The following PTPRD variants were observed in gnomAD, a reference collection of about 807,000 sequenced individuals.
PTPRD encodes receptor-type tyrosine-protein phosphatase delta.
PTPRD carries 34 observed loss-of-function variants against 214.5 expected under a neutral mutation model. The observed-to-expected ratio is 0.16, with a 90% CI of 0.12 to 0.21. The LOEUF is 0.21. PTPRD is among the 10% of genes least tolerant of loss of function. The pLI, the probability that PTPRD is intolerant of heterozygous loss-of-function variation, is 1.00. For missense variants in PTPRD, 2,545 were observed against 2,398.7 expected (o/e 1.06, Z -1.27); for synonymous variants, 1,128 against 845.7 (o/e 1.33, Z -5.79).
chr9:9,614,596 G>T (rs1218291995), intron 7 of PTPRD, among the ~76,000 whole-genome samples: 1 of 152,112 alleles, frequency 6.6e-6, no homozygotes, highest in Non-Finnish European at 1.5e-5. Context: ...TCAAAAACTG[G>T]AGTTTTGATT....
intron 3 of PTPRD, among the ~76,000 whole-genome samples, chr9:10,153,298 ATAAAT>A (rs958068428): frequency 5.0e-4 from 76 of 152,012 alleles, no homozygotes; most frequent in African/African-American, 1.7e-3. Context: ...GTCATTAAAA[ATAAAT>A]TAAATATTTT....
At chr9:8,988,939 G>T (rs563276454) in intron 11 of PTPRD, among the ~76,000 whole-genome samples, 229 of 152,142 alleles carry the variant, frequency 1.5e-3, no homozygotes, top group African/African-American at 5.4e-3. Flanking sequence ...ATTCAGAATT[G>T]GGAAAGCTAG....
At chr9:10,489,229 C>T (rs181672917) in intron 2 of PTPRD, among the ~76,000 whole-genome samples, 53 of 152,206 alleles carry the variant, frequency 3.5e-4, no homozygotes, top group African/African-American at 1.2e-3. Context: ...TCCTTCTGCC[C>T]CTGGGTGTGT....
At chr9:9,401,670 C>T (rs929316707) in intron 8 of PTPRD, among the ~76,000 whole-genome samples, 1 of 151,688 alleles carries the variant, frequency 6.6e-6, no homozygotes, top group Non-Finnish European at 1.5e-5. Context: ...TTTCTACGTA[C>T]CCACCGGAAT....
At chr9:9,640,244 G>A (rs2095894411) in intron 7 of PTPRD, among the ~76,000 whole-genome samples, 2 of 152,154 alleles carry the variant, frequency 1.3e-5, no homozygotes, top group Non-Finnish European at 2.9e-5. Flanking sequence ...CCAATGAGGT[G>A]CAATGTGATT....
rs529005855 is a variant in PTPRD at position 9,847,586 on chromosome 9, T to C, written c.-367-80735A>G. Among the ~76,000 whole-genome samples the C allele has an allele frequency of 3.3e-5, 5 of 152,258 alleles. No homozygotes were observed. The East Asian group carries it at 5.8e-4, about 18-fold the overall frequency. ...TAGGTTTGTCATATTCTTGCCACTTTACAGGAAAACAAAACAAACCTTACT... is the reference window on the plus strand; with the variant it reads ...TAGGTTTGTCATATTCTTGCCACTTCACAGGAAAACAAAACAAACCTTACT... On this transcript the variant is annotated intron_variant, in intron 5 of 45. Coordinates refer to ENST00000381196, the MANE Select transcript of PTPRD (RefSeq NM_002839.4).
intron 11 of PTPRD, among the ~76,000 whole-genome samples, chr9:8,913,299 A>G (rs1479205483): frequency 6.6e-6 from 1 of 152,154 alleles, no homozygotes; most frequent in Non-Finnish European, 1.5e-5. Flanking sequence ...ATAAAACGTG[A>G]GTATTCCTTG....
At chr9:8,949,753 C>A (rs1430400754) in intron 11 of PTPRD, among the ~76,000 whole-genome samples, 1 of 152,108 alleles carries the variant, frequency 6.6e-6, no homozygotes, top group Non-Finnish European at 1.5e-5. Flanking sequence ...TTTAGCACAA[C>A]AAAATTGAAA....
intron 2 of PTPRD, among the ~76,000 whole-genome samples, chr9:10,384,156 T>C (rs2097870361): frequency 6.6e-6 from 1 of 151,510 alleles, no homozygotes; most frequent in Non-Finnish European, 1.5e-5. Flanking sequence ...TATTCATACA[T>C]TTAAAAATAA....
chr9:9,199,408 C>G (rs575161546), intron 9 of PTPRD, among the ~76,000 whole-genome samples: 1 of 152,266 alleles, frequency 6.6e-6, no homozygotes, highest in South Asian at 2.1e-4. Flanking sequence ...CCCTATGGTA[C>G]ACACCAGAGT....
chr9:9,965,612 T>A (rs1480412488), intron 4 of PTPRD, among the ~76,000 whole-genome samples: 1 of 152,192 alleles, frequency 6.6e-6, no homozygotes, highest in East Asian at 1.9e-4. Context: ...TATTACCTAC[T>A]CCTTCTTTTC....
intron 9 of PTPRD, among the ~76,000 whole-genome samples, chr9:9,202,227 A>G (rs2099942282): frequency 6.6e-6 from 1 of 152,080 alleles, no homozygotes; most frequent in Non-Finnish European, 1.5e-5. Context: ...CTAAATTTGC[A>G]CTCTATTATA....
chr9:9,724,772 T>C (rs1289006241), intron 7 of PTPRD, among the ~76,000 whole-genome samples: 1 of 152,156 alleles, frequency 6.6e-6, no homozygotes, highest in Non-Finnish European at 1.5e-5. Context: ...TATCCCCATT[T>C]ACAGTGGAGG....
chr9:9,617,306 T>C (rs767991476), intron 7 of PTPRD, among the ~76,000 whole-genome samples: 1 of 152,160 alleles, frequency 6.6e-6, no homozygotes, highest in Non-Finnish European at 1.5e-5. Context: ...TCTGCATTAA[T>C]TAAAAGCATG....
At chr9:8,911,342 G>A (rs1008058741) in intron 11 of PTPRD, among the ~76,000 whole-genome samples, 2 of 151,974 alleles carry the variant, frequency 1.3e-5, no homozygotes, top group Non-Finnish European at 2.9e-5. Context: ...ATTCAGTTGG[G>A]AAAAGATGGT....
intron 9 of PTPRD, among the ~76,000 whole-genome samples, chr9:9,318,198 C>G (rs1347703537): frequency 7.1e-6 from 1 of 141,188 alleles, no homozygotes; most frequent in African/African-American, 2.6e-5. Flanking sequence ...ACAAAACAAA[C>G]AAACAAACAA....
At chr9:9,170,200 T>C (rs761659758) in intron 10 of PTPRD, among the ~76,000 whole-genome samples, 4 of 152,212 alleles carry the variant, frequency 2.6e-5, no homozygotes, top group Non-Finnish European at 4.4e-5. Context: ...TAGATCATTG[T>C]GTTTAGATTT....
intron 4 of PTPRD, among the ~76,000 whole-genome samples, chr9:9,955,820 C>A (rs2093878645): frequency 6.6e-6 from 1 of 152,158 alleles, no homozygotes; most frequent in African/African-American, 2.4e-5. Context: ...CCACGCCCGG[C>A]CTATTTGGGT....
intron 37 of PTPRD, among the ~76,000 whole-genome samples, chr9:8,386,314 A>T (rs1589233924): frequency 6.6e-6 from 1 of 152,100 alleles, no homozygotes; most frequent in African/African-American, 2.4e-5. Context: ...CCTGCGTAAT[A>T]TCAAGCTATC....
Sources: gnomAD v4.1 joint callset for allele counts (sites outside exome capture counted in the v4.1 genomes callset) on GRCh38, gnomAD v4.1.1 for gene constraint, MANE v1.5 for transcripts, NCBI Gene and HGNC (gene_info 2026-07-23, HGNC 2026-07-21) for gene names.